Variants in SPOCK2 observed in about 807,000 individuals in gnomAD.
The protein encoded by SPOCK2 is SPARC (osteonectin), cwcv and kazal like domains proteoglycan 2, also known as testican-2.
Under a neutral mutation model 60.1 loss-of-function variants are expected in SPOCK2, and 39 were observed. The observed-to-expected ratio is 0.65, with a 90% CI of 0.50 to 0.85. The LOEUF is 0.85. Ranked by LOEUF, SPOCK2 falls within the 40% of genes least tolerant of loss-of-function variation. SPOCK2 has a pLI of 0.00. For missense variants in SPOCK2, 523 were observed against 567.4 expected (o/e 0.92, Z 0.80); for synonymous variants, 217 against 231.5 (o/e 0.94, Z 0.57).
rs1170587774 is a variant in SPOCK2, at chr10:72,070,440, TG to T, written c.360-15del. On this transcript the variant is annotated splice_polypyrimidine_tract_variant and intron_variant, in intron 4 of 10. Coordinates refer to ENST00000373109, the MANE Select transcript of SPOCK2 (RefSeq NM_001244950.2). Reference sequence around the variant, plus strand: ...GGCTGCTTGATCCTACAGGAGAGGGTGGGGGGCACACCAGGGTGGAAGTGAC... The same window carrying T: ...GGCTGCTTGATCCTACAGGAGAGGGTGGGGGCACACCAGGGTGGAAGTGAC... The T allele has an allele frequency of 3.1e-6, 5 of 1,612,720 alleles. No homozygotes were observed. The highest frequency in any genetic ancestry group is 1.1e-5 in the South Asian group (1 of 91,014).
chr10:72,068,071 G>C, intron 6 of SPOCK2, 116 bp downstream of exon 6: 1 of 1,207,870 alleles, frequency 8.3e-7, no homozygotes, highest in Non-Finnish European at 1.2e-6. Flanking sequence ...CAAGCTTTCT[G>C]CATTTTTGCC....
intron 5 of SPOCK2, chr10:72,068,601 ACCCCTCCCCTGCCCCTGTCG>A: frequency 3.1e-6 from 1 of 319,396 alleles, no homozygotes. Context: ...TGCCCCTGTC[ACCCCTCCCCTGCCCCTGTCG>A]CCCTTCCCCT....
Position 72,087,352 on chromosome 10 carries a change from C to T in SPOCK2, c.189+788G>A, listed in dbSNP as rs953804789. Reference sequence around the variant, plus strand: ...ACGCCGGGGTTCGGGCGGCGCCCGCCGGGGGCCCCCAAACCCAGCTTCTGG... The same window carrying T: ...ACGCCGGGGTTCGGGCGGCGCCCGCTGGGGGCCCCCAAACCCAGCTTCTGG... On this transcript the variant is annotated intron_variant, in intron 1 of 10. Coordinates refer to ENST00000373109, the MANE Select transcript of SPOCK2 (RefSeq NM_001244950.2). This position sits in a 1 kb window ranked among gnomAD's most constrained non-coding sequence, Gnocchi z 4.7. 6.6e-6 allele frequency among the ~76,000 whole-genome samples: 1 copy of T among 152,180 alleles called. No homozygotes were observed. The highest frequency in any genetic ancestry group is 2.4e-5 in the African/African-American group (1 of 41,448).
chr10:72,073,012 C>T lies in SPOCK2; in HGVS notation c.190-102G>A, dbSNP rs1313093282. ...TGAGGCCCTCTGGTGTTCCTGGGGT[C>T]CCCTGCCTCATCATGTGGCCGAGCA... On this transcript the variant is annotated intron_variant, in intron 1 of 10. Coordinates refer to ENST00000373109, the MANE Select transcript of SPOCK2 (RefSeq NM_001244950.2). The T allele has an allele frequency of 6.0e-5, 91 of 1,512,146 alleles. No homozygotes were observed. The Middle Eastern group carries it at 8.4e-4, about 14-fold the overall frequency. The allele number at this position is 1,512,146 out of a possible 1,614,324, so 93.7% of individuals were successfully genotyped here.
chr10:72,062,729 G>T lies in SPOCK2; in HGVS notation c.*31C>A. On this transcript the variant is annotated 3_prime_UTR_variant, in exon 11 of 11. Transcript: ENST00000373109. This position sits in a 1 kb window ranked among gnomAD's most constrained non-coding sequence, Gnocchi z 4.3. ...CTGCTGCTCAGAGCTCTGCTGTTGA[G>T]TCCCCCCCGGCAGCCGGCTCCTGAG... 1 of 1,584,574 alleles carries T rather than the reference G, an allele frequency of 6.3e-7. No homozygotes were observed. The highest frequency in any genetic ancestry group is 8.5e-7 in the Non-Finnish European group (1 of 1,172,674).
chr10:72,072,612 T>C, intron 2 of SPOCK2, 64 bp from the exon 3 acceptor site: 2 of 1,608,562 alleles, frequency 1.2e-6, no homozygotes, highest in East Asian at 2.2e-5. Context: ...GAGGTTCAAC[T>C]GCGGGGTCGA....
In SPOCK2 at chr10:72,067,032, G is replaced by C; in HGVS notation, c.798C>G (p.Asp266Glu). Residue 266 changes from aspartate (D) to glutamate (E), a missense_variant, in exon 8 of 11, where the codon GAC becomes GAG. Asp to Glu is a conservative substitution (Grantham distance 45). Transcript: ENST00000373109. ...GGTTGATGGCGGCCAGCTCCGTCTG[G>C]TCCAGGAAGAGGTCAGCACTGGTGT... The part of the protein sequence containing the change: ...KLDTSADLFL[D>E]QTELAAINLD... The C allele has an allele frequency of 6.2e-7, 1 of 1,614,228 alleles. No individual in the cohort carries two copies.
chr10:72,073,828 C>G (rs1207995002), intron 1 of SPOCK2, among the ~76,000 whole-genome samples: 1 of 152,268 alleles, frequency 6.6e-6, no homozygotes, highest in African/African-American at 2.4e-5. Flanking sequence ...CTCAACTTAT[C>G]TGGCTTCCTC....
chr10:72,076,755 T>C (rs1840720160), intron 1 of SPOCK2, among the ~76,000 whole-genome samples: 1 of 152,130 alleles, frequency 6.6e-6, no homozygotes, highest in African/African-American at 2.4e-5. Context: ...CTCCAGGCAT[T>C]TGGATGGGTC....
chr10:72,081,351 C>T (rs186167158), intron 1 of SPOCK2, among the ~76,000 whole-genome samples: 2 of 152,332 alleles, frequency 1.3e-5, no homozygotes, highest in Admixed American at 6.5e-5. Context: ...AGGGAAGGAG[C>T]GAGCTGTTTG....
rs754106946 is a variant in SPOCK2 at position 72,067,113 on chromosome 10, G to C, written c.717C>G (p.Asp239Glu). ...SSVAGPASGL[D>E]KSLGASCKDS... ...CCTTGCAGCTGGCCCCCAGGCTCTTGTCCAGCCCTGGGAAAAGATCAGGTT... is the reference window on the plus strand; with the variant it reads ...CCTTGCAGCTGGCCCCCAGGCTCTTCTCCAGCCCTGGGAAAAGATCAGGTT... The change falls in exon 8 of 11, where the codon GAC becomes GAG. Residue 239 changes from aspartate (D) to glutamate (E), a missense_variant. Coordinates refer to ENST00000373109, the MANE Select transcript of SPOCK2 (RefSeq NM_001244950.2). The C allele has an allele frequency of 6.2e-7, 1 of 1,613,414 alleles. No homozygotes were observed. The highest frequency in any genetic ancestry group is 1.3e-5 in the African/African-American group (1 of 74,906).
chr10:72,068,058 C>T, intron 6 of SPOCK2, 129 bp downstream of exon 6: 3 of 1,096,928 alleles, frequency 2.7e-6, no homozygotes, highest in Non-Finnish European at 4.0e-6. Flanking sequence ...CTCACAGCTC[C>T]CTCAAGCTTT....
rs1233813032 is a variant in SPOCK2, at chr10:72,087,891, C to T, written c.189+249G>A. ...GGGGAGACCCCGGAGCGCGCGACCC[C>T]GGAGCGTCGGGCAGGTGTGGAGCTG... On this transcript the variant is annotated intron_variant, in intron 1 of 10. Coordinates refer to ENST00000373109, the MANE Select transcript of SPOCK2 (RefSeq NM_001244950.2). The surrounding 1 kb of genome is among the most constrained non-coding windows in gnomAD (Gnocchi z 4.7). Among the ~76,000 whole-genome samples, 3 of 151,890 alleles carry T rather than the reference C, an allele frequency of 2.0e-5. No homozygotes were observed. The highest frequency in any genetic ancestry group is 7.2e-5 in the African/African-American group (3 of 41,398).
intron 5 of SPOCK2, chr10:72,068,916 G>C (rs1212723274): frequency 6.6e-6 from 1 of 152,456 alleles, no homozygotes. Flanking sequence ...TGGGAAGCGG[G>C]TCATCACAGC....
At chr10:72,083,675 C>T (rs1420683546) in intron 1 of SPOCK2, among the ~76,000 whole-genome samples, 1 of 152,212 alleles carries the variant, frequency 6.6e-6, no homozygotes, top group African/African-American at 2.4e-5. Context: ...GCTGGGTGTT[C>T]AAGAGCCCAT....
chr10:72,074,474 G>T (rs1207003344), intron 1 of SPOCK2, among the ~76,000 whole-genome samples: 2 of 152,262 alleles, frequency 1.3e-5, no homozygotes, highest in Non-Finnish European at 2.9e-5. Context: ...GCATGTTTGT[G>T]TGTATGCACA....
chr10:72,073,755 G>A (rs944887641), intron 1 of SPOCK2, among the ~76,000 whole-genome samples: 6 of 152,240 alleles, frequency 3.9e-5, no homozygotes, highest in African/African-American at 9.6e-5. Context: ...TCTCAGGCCC[G>A]TGGACCGCAG....
rs1322215488 is a variant in SPOCK2, at chr10:72,087,458, C to A, written c.189+682G>T. The stretch of plus-strand genomic sequence containing the variant: ...TGCTCCCCTCGCTCCAGGCTGGATT[C>A]CCCCCTGAAATGTTGGTCCGGGAAA... On this transcript the variant is annotated intron_variant, in intron 1 of 10. Coordinates refer to ENST00000373109, the MANE Select transcript of SPOCK2 (RefSeq NM_001244950.2). This position sits in a 1 kb window ranked among gnomAD's most constrained non-coding sequence, Gnocchi z 4.7. 6.6e-6 allele frequency among the ~76,000 whole-genome samples: 1 copy of A among 152,158 alleles called. No homozygotes were observed. Among genetic ancestry groups the A allele is most frequent in the Non-Finnish European group, 1.5e-5 (1 of 68,014 alleles).
chr10:72,088,098 C>G, intron 1 of SPOCK2, 42 bp downstream of exon 1: 1 of 1,602,680 alleles, frequency 6.2e-7, no homozygotes, highest in Non-Finnish European at 8.5e-7. Flanking sequence ...ATCCCCGAAC[C>G]CGCAACCCCG....
Sources: allele counts gnomAD v4.1 joint callset (sites outside exome capture counted in the v4.1 genomes callset), GRCh38; gene constraint gnomAD v4.1.1; non-coding constraint Gnocchi (gnomAD v3.1); transcripts MANE v1.5; gene names NCBI Gene and HGNC (gene_info 2026-07-23, HGNC 2026-07-21).